The following GPHN variants were observed in gnomAD, a reference collection of about 807,000 sequenced individuals.
GPHN encodes the protein gephyrin.
In GPHN, 17 loss-of-function variants were observed where a neutral mutation model predicts 95.5. That is an observed-to-expected ratio of 0.18 (90% CI 0.12 to 0.27). The LOEUF (loss-of-function observed/expected upper bound fraction) is 0.27. Ranked by LOEUF, GPHN falls within the 10% of genes least tolerant of loss-of-function variation. The probability of loss-of-function intolerance (pLI) is 1.00; values close to 1 mark genes in which losing one functional copy is unlikely to be tolerated. For synonymous variants in GPHN, 320 were observed against 322.5 expected, an observed-to-expected ratio of 0.99 and a Z score of 0.08; for missense variants, 660 against 978.1, an observed-to-expected ratio of 0.67 and a Z score of 4.34.
chr14:67,236,446 C>T, the GPHN span, among the ~76,000 whole-genome samples: 2 of 152,156 alleles, frequency 1.3e-5, no homozygotes, highest in East Asian at 1.9e-4. Flanking sequence ...TTTGTCTTAT[C>T]GTGTCCTTTT....
intron 1 of GPHN, among the ~76,000 whole-genome samples, chr14:66,524,992 A>G (rs771583850): frequency 7.2e-5 from 11 of 152,218 alleles, no homozygotes; most frequent in Admixed American, 5.9e-4. Flanking sequence ...AGAATGATTT[A>G]TAATCCTTTG....
the GPHN span, among the ~76,000 whole-genome samples, chr14:67,464,265 T>C: frequency 6.6e-6 from 1 of 152,178 alleles, no homozygotes; most frequent in Non-Finnish European, 1.5e-5. Context: ...GAGAACAGGA[T>C]GGAGGCTAAG....
chr14:67,566,273 T>G, the GPHN span, among the ~76,000 whole-genome samples: 3 of 93,664 alleles, frequency 3.2e-5, no homozygotes, highest in East Asian at 9.6e-4. Context: ...TCAGGAAGAC[T>G]AGGGGATGGA....
the GPHN span, chr14:67,374,383 A>G: frequency 1.5e-6 from 1 of 675,038 alleles, no homozygotes; most frequent in Admixed American, 2.9e-5. Flanking sequence ...ATGCCAATCA[A>G]ACACTTAATT....
the GPHN span, chr14:67,726,878 C>A: frequency 9.7e-7 from 1 of 1,035,004 alleles, no homozygotes; most frequent in Non-Finnish European, 1.5e-6. Context: ...AATTGGTTCA[C>A]ACCCAGAAGA....
intron 9 of GPHN, among the ~76,000 whole-genome samples, chr14:67,009,293 C>T (rs2072821230): frequency 6.6e-6 from 1 of 152,108 alleles, no homozygotes; most frequent in Admixed American, 6.6e-5. Flanking sequence ...CTTGGCATAG[C>T]TGCTTTTATG....
the GPHN span, chr14:67,587,058 T>A: frequency 3.8e-6 from 6 of 1,573,910 alleles, no homozygotes; most frequent in Non-Finnish European, 5.2e-6. Context: ...CCTTCACATC[T>A]CTGACCTCCT....
chr14:66,838,144 C>A (rs533825852), intron 4 of GPHN, among the ~76,000 whole-genome samples: 1 of 152,128 alleles, frequency 6.6e-6, no homozygotes, highest in East Asian at 1.9e-4. Context: ...GTGTGCAACC[C>A]CATGCAATTT....
chr14:67,015,926 A>AT (rs1291142297), intron 9 of GPHN, among the ~76,000 whole-genome samples: 2 of 152,040 alleles, frequency 1.3e-5, no homozygotes, highest in East Asian at 3.8e-4. Context: ...CTGAAGCAGA[A>AT]TTTTTTTTAA....
rs111956954 is a variant in GPHN, at chr14:67,111,857, A to G, written c.1414-4A>G. On this transcript the variant is annotated splice_region_variant and splice_polypyrimidine_tract_variant and intron_variant, in intron 14 of 22. Transcript: ENST00000478722. ...TGAAATTACATGACCGGCTGTTATT[A>G]TAGGGCACTGAAGAACTTGAAGTGC... is the stretch of plus-strand genomic sequence containing the variant. 1.9e-6 allele frequency: 3 copies of G among 1,611,114 alleles called. No individual in the cohort carries two copies. Among genetic ancestry groups the G allele is most frequent in the Non-Finnish European group, 2.5e-6 (3 of 1,177,278 alleles).
the GPHN span, among the ~76,000 whole-genome samples, chr14:67,207,410 A>G: frequency 1.3e-5 from 2 of 152,200 alleles, no homozygotes; most frequent in Admixed American, 1.3e-4. Context: ...GTGAGAACTC[A>G]CTCATTATGG....
At chr14:67,612,906 C>T in the GPHN span, among the ~76,000 whole-genome samples, 5 of 151,766 alleles carry the variant, frequency 3.3e-5, no homozygotes, top group Non-Finnish European at 7.4e-5. Flanking sequence ...GATCGCACCA[C>T]TGCACGCCTG....
chr14:67,574,461 G>A, the GPHN span: 1 of 1,358,492 alleles, frequency 7.4e-7, no homozygotes, highest in African/African-American at 1.5e-5. This position sits in a 1 kb window ranked among gnomAD's most constrained non-coding sequence, Gnocchi z 4.2. Context: ...AGGGGAGCCA[G>A]GATTGGGGTG....
chr14:66,875,766 A>G (rs950577144), intron 4 of GPHN, among the ~76,000 whole-genome samples: 8 of 152,168 alleles, frequency 5.3e-5, no homozygotes, highest in Non-Finnish European at 1.0e-4. Context: ...GTTCTTAGAG[A>G]CCTGCAAAGA....
At chr14:67,291,097 A>G in the GPHN span, among the ~76,000 whole-genome samples, 1 of 152,186 alleles carries the variant, frequency 6.6e-6, no homozygotes, top group African/African-American at 2.4e-5. Flanking sequence ...AAATTCTATA[A>G]TAAGAGCAAC....
rs926924833 is a variant in GPHN at position 67,180,967 on chromosome 14, A to G, written c.*30A>G. 3 of 1,610,216 alleles carry G rather than the reference A, an allele frequency of 1.9e-6. No homozygotes were observed. Among genetic ancestry groups the G allele is most frequent in the Non-Finnish European group, 2.5e-6 (3 of 1,176,718 alleles). On this transcript the variant is annotated 3_prime_UTR_variant, in exon 23 of 23. Coordinates refer to ENST00000478722, the MANE Select transcript of GPHN (RefSeq NM_020806.5). Reference sequence around the variant, plus strand: ...CACCAGCAGGAGAAAGCTTTGATGCATGTCCACATATCATTGACTGTATCC... The same window carrying G: ...CACCAGCAGGAGAAAGCTTTGATGCGTGTCCACATATCATTGACTGTATCC...
chr14:67,355,742 T>C, the GPHN span, among the ~76,000 whole-genome samples: 47,262 of 151,726 alleles, frequency 0.31, 11,263 homozygotes, highest in African/African-American at 0.64. Context: ...GTGGCTTATG[T>C]CTATAATCAG....
the GPHN span, chr14:67,376,316 C>A: frequency 1.0e-6 from 1 of 974,712 alleles, no homozygotes. Context: ...TGAGTATTTC[C>A]CTATGGAGAT....
At chr14:67,437,263 G>A in the GPHN span, among the ~76,000 whole-genome samples, 25 of 152,294 alleles carry the variant, frequency 1.6e-4, no homozygotes, top group African/African-American at 5.5e-4. Context: ...CCATGGTGGG[G>A]AGGCAAAAAA....
Sources: allele counts gnomAD v4.1 joint callset (sites outside exome capture counted in the v4.1 genomes callset), GRCh38; gene constraint gnomAD v4.1.1; non-coding constraint Gnocchi (gnomAD v3.1); transcripts MANE v1.5; gene names NCBI Gene and HGNC (gene_info 2026-07-23, HGNC 2026-07-21).